Variants in DDX3X observed in about 807,000 individuals in gnomAD.
The protein encoded by DDX3X is DEAD-box helicase 3 X-linked.
A neutral mutation model predicts 52.7 loss-of-function variants in DDX3X; 4 were observed. The observed-to-expected ratio is 0.08, with a 90% CI of 0.04 to 0.17. DDX3X has a LOEUF of 0.17. Ranked by LOEUF, DDX3X falls within the 10% of genes least tolerant of loss-of-function variation. DDX3X has a pLI of 1.00. For synonymous variants in DDX3X, 192 were observed against 178.1 expected (o/e 1.08, Z -0.62); for missense variants, 222 against 548.6 (o/e 0.40, Z 5.95).
chrX:41,341,443 C>T (rs1569236149), intron 3 of DDX3X, 41 bp from the exon 4 acceptor site: 2 of 1,105,689 alleles, frequency 1.8e-6, no homozygotes. Context: ...GTTCCTATTT[C>T]TAATTAATAA....
chrX:41,349,462 T>C lies in DDX3X; in HGVS notation c.*1743T>C, dbSNP rs1282187881. ...GGAATGATAGTTGGGAAGAAAACTATTTGCACACGACAGATTTCTAGATAC... is the reference window on the plus strand; with the variant it reads ...GGAATGATAGTTGGGAAGAAAACTACTTGCACACGACAGATTTCTAGATAC... On this transcript the variant is annotated 3_prime_UTR_variant, in exon 17 of 17. Transcript: ENST00000644876. The C allele has an allele frequency of 8.9e-6, 1 of 111,897 alleles. No individual in the cohort carries two copies. Among genetic ancestry groups the C allele is most frequent in the East Asian group, 2.8e-4 (1 of 3,607 alleles). The allele number at this position is 111,897 out of a possible 1,213,427, so 9.2% of individuals were successfully genotyped here.
intron 5 of DDX3X, among the ~76,000 whole-genome samples, chrX:41,360,153 G>A (rs986398716): frequency 3.7e-5 from 4 of 109,165 alleles, no homozygotes; most frequent in South Asian, 3.9e-4. Flanking sequence ...GGAGGTGGGC[G>A]GATCACCTGA....
upstream of DDX3X, chrX:41,334,141 C>T (rs1179114140): frequency 5.2e-6 from 4 of 772,510 alleles, no homozygotes; most frequent in East Asian, 3.5e-5. Flanking sequence ...ATATTAGATC[C>T]GTGGCCGCGC....
chrX:41,351,749 C>T (rs1293158520), downstream of DDX3X: 1 of 111,430 alleles, frequency 9.0e-6, no homozygotes, highest in Non-Finnish European at 1.9e-5. Flanking sequence ...ATGTGGCTGT[C>T]CTCTATAATG....
downstream of DDX3X, chrX:41,351,348 G>C (rs1016908598): frequency 8.9e-6 from 1 of 112,197 alleles, no homozygotes. Flanking sequence ...CTTAAATGCA[G>C]TTGTCACTCT....
chrX:41,333,355 C>T (rs905993768), upstream of DDX3X: 10 of 110,027 alleles, frequency 9.1e-5, no homozygotes, highest in African/African-American at 3.3e-4. Flanking sequence ...TCCATTTCCC[C>T]CCGACTCCCG....
At chrX:41,334,613 T>A in intron 1 of DDX3X, 1 of 1,083,581 alleles carries the variant, frequency 9.2e-7, no homozygotes, top group East Asian at 3.9e-5. Context: ...CCCGACTGAT[T>A]AGTGACCTGG....
intron 5 of DDX3X, among the ~76,000 whole-genome samples, chrX:41,363,102 T>A (rs2147374526): frequency 8.9e-6 from 1 of 112,451 alleles, no homozygotes; most frequent in South Asian, 3.7e-4. Flanking sequence ...CCATACTTGC[T>A]GTATACAATT....
intron 5 of DDX3X, among the ~76,000 whole-genome samples, chrX:41,363,618 T>C (rs1006971306): frequency 1.8e-5 from 2 of 109,337 alleles, no homozygotes; most frequent in African/African-American, 3.3e-5. Flanking sequence ...ACCCCGTCTC[T>C]ACTAAAAATT....
intron 3 of DDX3X, 22 bp downstream of exon 3, chrX:41,339,105 C>T (rs1427440789): frequency 5.9e-6 from 6 of 1,019,862 alleles, no homozygotes; most frequent in Non-Finnish European, 7.8e-6. Flanking sequence ...CAAGTAACTT[C>T]GTAGGTCTAT....
downstream of DDX3X, among the ~76,000 whole-genome samples, chrX:41,352,769 G>A (rs1254514434): frequency 9.0e-6 from 1 of 111,074 alleles, no homozygotes; most frequent in African/African-American, 3.3e-5. Context: ...TGTGGTTTTG[G>A]TTTTGGTTTT....
intron 3 of DDX3X, 24 bp downstream of exon 3, chrX:41,339,107 T>C: frequency 9.9e-7 from 1 of 1,009,326 alleles, no homozygotes; most frequent in Non-Finnish European, 1.3e-6. Flanking sequence ...AGTAACTTCG[T>C]AGGTCTATTT....
intron 4 of DDX3X, chrX:41,341,878 G>A: frequency 3.7e-6 from 1 of 270,514 alleles, no homozygotes; most frequent in East Asian, 7.4e-5. Flanking sequence ...CTAGTGAATG[G>A]CCTAATTTGG....
chrX:41,347,133 G>A, intron 15 of DDX3X, 121 bp downstream of exon 15: 4 of 941,089 alleles, frequency 4.3e-6, no homozygotes, highest in Non-Finnish European at 4.4e-6. Flanking sequence ...AATCATCTTA[G>A]GCTTCCTAGA....
intron 10 of DDX3X, among the ~76,000 whole-genome samples, chrX:41,344,758 G>A (rs2063900311): frequency 8.9e-6 from 1 of 112,281 alleles, no homozygotes; most frequent in Non-Finnish European, 1.9e-5. Context: ...ATTTTTAAAT[G>A]TATGGGATGC....
In DDX3X at chrX:41,347,680, A is replaced by G; in HGVS notation, c.1950A>G (p.Gly650=). ...TTTACAACAGTGATGGATATGGAGGAAATTATAACTCCCAGGGGGTTGACT... is the reference window on the plus strand; with the variant it reads ...TTTACAACAGTGATGGATATGGAGGGAATTATAACTCCCAGGGGGTTGACT... The part of the protein sequence containing the change: ...GGFYNSDGYG[G]NYNSQGVDWW... The change falls in exon 17 of 17, where the codon GGA becomes GGG. Residue 650 remains glycine (G), a synonymous_variant. Transcript: ENST00000644876. The G allele has an allele frequency of 1.7e-6, 2 of 1,202,945 alleles. No homozygotes were observed. Among genetic ancestry groups the G allele is most frequent in the Non-Finnish European group, 2.2e-6 (2 of 891,232 alleles).
At chrX:41,347,114 A>G in intron 15 of DDX3X, 102 bp downstream of exon 15, 1 of 991,500 alleles carries the variant, frequency 1.0e-6, no homozygotes. Context: ...TACAGTATTT[A>G]AAAAGCTTAA....
At chrX:41,345,629 G>A in intron 12 of DDX3X, 81 bp downstream of exon 12, 5 of 851,679 alleles carry the variant, frequency 5.9e-6, no homozygotes, top group Non-Finnish European at 8.4e-6. Flanking sequence ...GTTATTCACA[G>A]GTGTGATCTC....
chrX:41,343,119 G>T, intron 6 of DDX3X, 97 bp from the exon 7 acceptor site: 1 of 976,282 alleles, frequency 1.0e-6, no homozygotes, highest in Admixed American at 3.1e-5. Flanking sequence ...ACTATAAACT[G>T]AGTTACCAAT....
Sources: allele counts gnomAD v4.1 joint callset (sites outside exome capture counted in the v4.1 genomes callset), GRCh38; gene constraint gnomAD v4.1.1; transcripts MANE v1.5; gene names NCBI Gene and HGNC (gene_info 2026-07-23, HGNC 2026-07-21).